Variants in LRTM3 observed in about 807,000 individuals in gnomAD.
The protein encoded by LRTM3 is leucine rich repeat transmembrane protein 3.
the LRTM3 span, chr13:102,745,653 G>T: frequency 6.4e-7 from 1 of 1,551,020 alleles, no homozygotes; most frequent in South Asian, 1.2e-5. Flanking sequence ...GATAAAGCAG[G>T]CATGCAGGAA....
chr13:102,743,893 G>C, the LRTM3 span: 1 of 1,550,686 alleles, frequency 6.4e-7, no homozygotes, highest in Non-Finnish European at 8.7e-7. Context: ...CAGGCATGAA[G>C]AAATCTAAAA....
At chr13:102,733,856 T>C in the LRTM3 span, 2 of 1,551,412 alleles carry the variant, frequency 1.3e-6, no homozygotes, top group South Asian at 2.4e-5. Context: ...CACATACTGT[T>C]CTGCTTGCTT....
chr13:102,730,988 C>T, the LRTM3 span: 1 of 1,551,466 alleles, frequency 6.4e-7, no homozygotes, highest in Non-Finnish European at 8.7e-7. Context: ...ATAAGATTCT[C>T]TTACAATTCT....
the LRTM3 span, among the ~76,000 whole-genome samples, chr13:102,756,697 AAAAAAAC>A: frequency 9.6e-4 from 10 of 10,452 alleles, no homozygotes; most frequent in African/African-American, 3.5e-3. Flanking sequence ...AAAAAAAAAC[AAAAAAAC>A]AAAAAGAGGC....
chr13:102,736,998 A>G, the LRTM3 span: 4 of 1,551,100 alleles, frequency 2.6e-6, no homozygotes, highest in South Asian at 3.6e-5. Flanking sequence ...ATTGTCAGAA[A>G]CACATCCAGT....
chr13:102,743,242 C>A, the LRTM3 span: 1 of 1,550,686 alleles, frequency 6.4e-7, no homozygotes, highest in Non-Finnish European at 8.7e-7. Context: ...ACCTTGCTAT[C>A]CCTTCAGCTA....
At chr13:102,731,988 A>G in the LRTM3 span, 6 of 1,551,016 alleles carry the variant, frequency 3.9e-6, no homozygotes, top group Admixed American at 3.9e-5. Context: ...GCCTTTAAGT[A>G]TTTTTTATTC....
the LRTM3 span, chr13:102,741,097 C>T: frequency 6.5e-7 from 1 of 1,549,992 alleles, no homozygotes; most frequent in Non-Finnish European, 8.7e-7. Flanking sequence ...AAAGTTGATG[C>T]AATATGCAAG....
the LRTM3 span, chr13:102,745,288 AC>A: frequency 6.4e-7 from 1 of 1,550,740 alleles, no homozygotes; most frequent in Non-Finnish European, 8.7e-7. Flanking sequence ...CTTTAATGTC[AC>A]GTGAAGTAAT....
At chr13:102,756,693 AAAC>A in the LRTM3 span, among the ~76,000 whole-genome samples, 128 of 104,422 alleles carry the variant, frequency 1.2e-3, 2 homozygotes, top group South Asian at 4.0e-3. Context: ...AAAAAAAAAA[AAAC>A]AAAAAAACAA....
chr13:102,740,539 G>A, the LRTM3 span: 1 of 1,549,514 alleles, frequency 6.5e-7, no homozygotes, highest in Middle Eastern at 1.7e-4. Context: ...GGCCTGTTTT[G>A]AGTAAGTCTT....
At chr13:102,729,848 A>G in the LRTM3 span, 1 of 1,551,888 alleles carries the variant, frequency 6.4e-7, no homozygotes, top group Non-Finnish European at 8.7e-7. Context: ...CTTCCTAAAT[A>G]AATCAGATCT....
the LRTM3 span, chr13:102,731,849 A>C: frequency 6.5e-7 from 1 of 1,550,072 alleles, no homozygotes; most frequent in Non-Finnish European, 8.7e-7. Flanking sequence ...ATCTTCAAGC[A>C]TAGATGGACA....
At chr13:102,733,341 C>T in the LRTM3 span, 1 of 1,551,344 alleles carries the variant, frequency 6.4e-7, no homozygotes, top group South Asian at 1.2e-5. Flanking sequence ...CTTTGTCCAT[C>T]TTCCTTTGGC....
the LRTM3 span, chr13:102,731,913 G>A: frequency 1.1e-5 from 17 of 1,549,736 alleles, no homozygotes; most frequent in Middle Eastern, 1.7e-4. Context: ...TCGATGATAC[G>A]TAAGTCTGGT....
At chr13:102,731,089 A>G in the LRTM3 span, 2 of 1,551,386 alleles carry the variant, frequency 1.3e-6, no homozygotes, top group Admixed American at 2.0e-5. Context: ...TTTGGAGGGT[A>G]TGAGGCAATA....
At chr13:102,750,552 T>G in the LRTM3 span, among the ~76,000 whole-genome samples, 9 of 152,206 alleles carry the variant, frequency 5.9e-5, no homozygotes, top group Non-Finnish European at 1.0e-4. Flanking sequence ...TACCTAGTTC[T>G]TCTCACTTAA....
the LRTM3 span, chr13:102,749,306 G>A: frequency 6.4e-7 from 1 of 1,551,180 alleles, no homozygotes; most frequent in South Asian, 1.2e-5. Flanking sequence ...AAGAGGCACT[G>A]AGCTATATAC....
the LRTM3 span, chr13:102,735,735 C>T: frequency 2.6e-6 from 4 of 1,549,200 alleles, no homozygotes; most frequent in East Asian, 2.4e-5. Flanking sequence ...TCAGTATATG[C>T]TTTTTTGCCT....
Sources: allele counts gnomAD v4.1 joint callset (sites outside exome capture counted in the v4.1 genomes callset), GRCh38; gene constraint gnomAD v4.1.1; transcripts MANE v1.5; gene names NCBI Gene and HGNC (gene_info 2026-07-23, HGNC 2026-07-21).